SUMF2: variants seen among roughly 807,000 people sequenced by gnomAD.
SUMF2 encodes the protein inactive C-alpha-formylglycine-generating enzyme 2.
A neutral mutation model predicts 44.8 loss-of-function variants in SUMF2; 45 were observed. That is an observed-to-expected ratio of 1.00 (90% CI 0.79 to 1.29). The LOEUF is 1.29. SUMF2 is among the 50% of genes most tolerant of loss of function. The pLI is 0.00. For missense variants in SUMF2, 418 were observed against 389.9 expected, an observed-to-expected ratio of 1.07 and a Z score of -0.61; for synonymous variants, 148 against 150.4, an observed-to-expected ratio of 0.98 and a Z score of 0.12.
downstream of SUMF2, chr7:56,081,338 C>T: frequency 1.9e-6 from 3 of 1,561,036 alleles, no homozygotes. This position sits in a 1 kb window ranked among gnomAD's most constrained non-coding sequence, Gnocchi z 4.6. Context: ...GCAGCCCCCG[C>T]CCTGCCAGGC....
intron 1 of SUMF2, 118 bp downstream of exon 1, chr7:56,064,496 C>A: frequency 7.1e-7 from 1 of 1,406,908 alleles, no homozygotes; most frequent in Non-Finnish European, 9.4e-7. Flanking sequence ...CAGCGGCAGG[C>A]TGGGGAGGTA....
intron 1 of SUMF2, among the ~76,000 whole-genome samples, chr7:56,065,205 A>G (rs1381030488): frequency 6.6e-6 from 1 of 151,280 alleles, no homozygotes; most frequent in Non-Finnish European, 1.5e-5. Context: ...AAAAAAAAAA[A>G]AAAAAAAGGA....
chr7:56,076,646 A>C (rs942756846), intron 5 of SUMF2, 188 bp from the exon 6 acceptor site: 6 of 491,074 alleles, frequency 1.2e-5, no homozygotes, highest in African/African-American at 2.0e-5. Flanking sequence ...GCACATGAGG[A>C]GGCCAGGGCC....
downstream of SUMF2, chr7:56,084,100 G>T: frequency 9.6e-7 from 1 of 1,037,914 alleles, no homozygotes; most frequent in Non-Finnish European, 1.4e-6. Flanking sequence ...ATGGCTAGAA[G>T]TGACCAGGGA....
At chr7:56,087,576 G>A in the SUMF2 span, 2 of 1,602,520 alleles carry the variant, frequency 1.2e-6, no homozygotes, top group African/African-American at 2.7e-5. Flanking sequence ...ACCCTGCCGT[G>A]TGGCTTGGGG....
downstream of SUMF2, chr7:56,081,741 C>A (rs1348266312): frequency 6.2e-7 from 1 of 1,613,664 alleles, no homozygotes; most frequent in Admixed American, 1.7e-5. The surrounding 1 kb of genome is among the most constrained non-coding windows in gnomAD (Gnocchi z 4.6). Context: ...GTTGCACCAC[C>A]AGGAATCGGG....
intron 6 of SUMF2, 74 bp downstream of exon 6, chr7:56,076,963 C>A: frequency 1.4e-6 from 2 of 1,443,236 alleles, no homozygotes; most frequent in Non-Finnish European, 1.9e-6. Flanking sequence ...GTTGTTAGGC[C>A]GCGGCATCCA....
rs747537908 is a variant in SUMF2 at position 56,068,510 on chromosome 7, A to C, written c.96A>C (p.Gln32His). The C allele has an allele frequency of 6.2e-7, 1 of 1,613,696 alleles. No individual in the cohort carries two copies. Among genetic ancestry groups the C allele is most frequent in the Non-Finnish European group, 8.5e-7 (1 of 1,179,896 alleles). Residue 32 changes from glutamine to histidine, a missense_variant, in exon 2 of 9, where the codon CAA becomes CAC. Coordinates refer to ENST00000434526, the MANE Select transcript of SUMF2 (RefSeq NM_015411.4). ...ATGGACAGGCTACTAGCATGGTCCA[A>C]CTGCAGGGTGGGAGATTCCTGATGG... Reference protein sequence around the residue: ...LGNGQATSMVQLQGGRFLMGT... With the variant: ...LGNGQATSMVHLQGGRFLMGT...
At chr7:56,081,050 C>T (rs1348821548), downstream of SUMF2, 1 of 1,611,890 alleles carries the variant, frequency 6.2e-7, no homozygotes. This position sits in a 1 kb window ranked among gnomAD's most constrained non-coding sequence, Gnocchi z 4.6. Context: ...GACTGGCCAG[C>T]CCCTCAGTAG....
chr7:56,073,675 CAAGCCAACCTCTAAT>C (rs1778424844), intron 3 of SUMF2: 2 of 173,906 alleles, frequency 1.2e-5, no homozygotes, highest in African/African-American at 4.8e-5. Flanking sequence ...ATCACCTTGG[CAAGCCAACCTCTAAT>C]AAGGGTGGTA....
chr7:56,069,916 T>A (rs755850501), intron 2 of SUMF2, among the ~76,000 whole-genome samples: 24 of 152,210 alleles, frequency 1.6e-4, no homozygotes, highest in Middle Eastern at 3.4e-3. Context: ...TGTATTTATT[T>A]ATTTATTTAG....
intron 5 of SUMF2, 89 bp downstream of exon 5, chr7:56,074,825 C>T (rs1351723748): frequency 1.2e-5 from 19 of 1,543,906 alleles, no homozygotes; most frequent in African/African-American, 2.7e-5. Flanking sequence ...GGGCTGGGCG[C>T]AGTGGCTTAT....
downstream of SUMF2, among the ~76,000 whole-genome samples, chr7:56,082,582 ACT>A (rs571869483): frequency 3.2e-4 from 49 of 151,368 alleles, no homozygotes; most frequent in South Asian, 6.0e-3. Flanking sequence ...ACAGAGTGAG[ACT>A]CTGTTTCAAA....
At chr7:56,076,662 A>G (rs1483769079) in intron 5 of SUMF2, 172 bp from the exon 6 acceptor site, 1 of 573,530 alleles carries the variant, frequency 1.7e-6, no homozygotes, top group Non-Finnish European at 3.0e-6. Context: ...GGGCCCTCTA[A>G]TGCAGTTCAG....
chr7:56,082,958 T>G (rs1796081719), downstream of SUMF2, among the ~76,000 whole-genome samples: 8 of 151,884 alleles, frequency 5.3e-5, no homozygotes, highest in South Asian at 1.7e-3. Flanking sequence ...ATACAAAAAT[T>G]AGCCGAGCGT....
chr7:56,079,750 T>C lies in SUMF2; in HGVS notation c.*138T>C, dbSNP rs1373833034. 15 of 1,569,564 alleles carry C rather than the reference T, an allele frequency of 9.6e-6. No individual in the cohort carries two copies. Among genetic ancestry groups the C allele is most frequent in the Non-Finnish European group, 1.3e-5 (15 of 1,156,568 alleles). On this transcript the variant is annotated 3_prime_UTR_variant, in exon 9 of 9. Transcript: ENST00000434526. Reference sequence around the variant, plus strand: ...CCCTTCCCTGTCTCCCATCCCTCTGTGGCAGGCGCCTCTCACCAGGGCAGG... The same window carrying C: ...CCCTTCCCTGTCTCCCATCCCTCTGCGGCAGGCGCCTCTCACCAGGGCAGG...
intron 2 of SUMF2, among the ~76,000 whole-genome samples, chr7:56,072,157 G>A (rs1401671010): frequency 6.7e-6 from 1 of 150,144 alleles, no homozygotes; most frequent in African/African-American, 2.5e-5. Context: ...CAAGTGTTGT[G>A]CCTCACACCT....
chr7:56,082,574 A>G (rs1584620735), downstream of SUMF2, among the ~76,000 whole-genome samples: 1 of 151,902 alleles, frequency 6.6e-6, no homozygotes, highest in East Asian at 1.9e-4. Flanking sequence ...GCCTGGTGAC[A>G]GAGTGAGACT....
downstream of SUMF2, chr7:56,083,842 C>G: frequency 1.4e-6 from 1 of 701,442 alleles, no homozygotes; most frequent in South Asian, 1.6e-5. Context: ...CGTGGAGAAC[C>G]ACAGTCTGGG....
Sources: gnomAD v4.1 joint callset for allele counts (sites outside exome capture counted in the v4.1 genomes callset) on GRCh38, gnomAD v4.1.1 for gene constraint, Gnocchi (gnomAD v3.1) non-coding constraint, MANE v1.5 for transcripts, NCBI Gene and HGNC (gene_info 2026-07-23, HGNC 2026-07-21) for gene names.